Variants in OSBPL10 observed in about 807,000 individuals in gnomAD.
OSBPL10 encodes the protein oxysterol-binding protein-related protein 10.
A neutral mutation model predicts 81.7 loss-of-function variants in OSBPL10; 49 were observed. The observed-to-expected ratio is 0.60, with a 90% CI of 0.48 to 0.76. The LOEUF (loss-of-function observed/expected upper bound fraction) is 0.76. Ranked by LOEUF, OSBPL10 falls within the 30% of genes least tolerant of loss-of-function variation. The pLI is 0.00. For missense variants in OSBPL10, 923 were observed against 987.8 expected (o/e 0.93, Z 0.88); for synonymous variants, 419 against 383.6 (o/e 1.09, Z -1.08).
At chr3:31,983,011 T>G (rs1368730296), upstream of OSBPL10, among the ~76,000 whole-genome samples, 1 of 152,236 alleles carries the variant, frequency 6.6e-6, no homozygotes, top group Admixed American at 6.5e-5. Flanking sequence ...GAGAGCAGCA[T>G]GTCCCGGATA....
At chr3:31,794,507 G>T in intron 4 of OSBPL10, 1 of 289,032 alleles carries the variant, frequency 3.5e-6, no homozygotes, top group Non-Finnish European at 7.0e-6. Context: ...GCTCAGCAGG[G>T]CACTGTGACC....
At chr3:31,820,071 C>T (rs1274017463) in intron 4 of OSBPL10, among the ~76,000 whole-genome samples, 2 of 152,136 alleles carry the variant, frequency 1.3e-5, no homozygotes, top group East Asian at 3.9e-4. Flanking sequence ...AGCTAGTACA[C>T]CTCTCTTTGC....
rs987790172 is a variant in OSBPL10, at chr3:31,897,686, G to C, written c.282-17856C>G. 5.9e-5 allele frequency among the ~76,000 whole-genome samples: 9 copies of C among 152,224 alleles called. No homozygotes were observed. In the East Asian group the frequency reaches 7.7e-4, roughly 13 times the overall value. ...AGAAACAAACATCAGGTTGACATTAGAGTTTTTAATATCAGCACTGGATGT... is the reference window on the plus strand; with the variant it reads ...AGAAACAAACATCAGGTTGACATTACAGTTTTTAATATCAGCACTGGATGT... On this transcript the variant is annotated intron_variant, in intron 1 of 11. Transcript: ENST00000396556.
chr3:31,875,021 C>A (rs1701415972), intron 3 of OSBPL10, among the ~76,000 whole-genome samples: 1 of 137,060 alleles, frequency 7.3e-6, no homozygotes, highest in South Asian at 2.3e-4. Flanking sequence ...TCTGGCCAAC[C>A]AAAAAGGAGT....
intron 7 of OSBPL10, among the ~76,000 whole-genome samples, chr3:31,687,634 G>A (rs1700825582): frequency 6.6e-6 from 1 of 152,132 alleles, no homozygotes. Context: ...GGAACCTCAG[G>A]CTCCCAGGTG....
intron 1 of OSBPL10, among the ~76,000 whole-genome samples, chr3:31,916,693 C>T (rs1214922967): frequency 6.6e-6 from 1 of 152,138 alleles, no homozygotes; most frequent in African/African-American, 2.4e-5. Flanking sequence ...TCAAAATCAC[C>T]TTTCCCTGAT....
At chr3:31,827,682 G>A (rs921997105) in intron 4 of OSBPL10, among the ~76,000 whole-genome samples, 6 of 151,678 alleles carry the variant, frequency 4.0e-5, no homozygotes, top group Non-Finnish European at 7.4e-5. Flanking sequence ...AGATTTTTAC[G>A]TATCTACATC....
intron 2 of OSBPL10, among the ~76,000 whole-genome samples, chr3:32,007,027 T>TA: frequency 6.6e-6 from 1 of 152,208 alleles, no homozygotes; most frequent in East Asian, 1.9e-4. Context: ...CTCATCCTCC[T>TA]AAAGTGCTGG....
chr3:31,752,874 A>G (rs1697761331), intron 4 of OSBPL10, among the ~76,000 whole-genome samples: 1 of 152,166 alleles, frequency 6.6e-6, no homozygotes, highest in African/African-American at 2.4e-5. Context: ...TACTCTCCAA[A>G]AGCTCAGCAT....
At chr3:31,668,468 G>T (rs944590409) in intron 10 of OSBPL10, among the ~76,000 whole-genome samples, 174 bp downstream of exon 10, 2 of 152,192 alleles carry the variant, frequency 1.3e-5, no homozygotes, top group South Asian at 2.1e-4. Flanking sequence ...AAGCTGAAAG[G>T]TTCTGCTCCT....
At chr3:31,990,758 A>C in intron 2 of OSBPL10, 1 of 1,613,964 alleles carries the variant, frequency 6.2e-7, no homozygotes, top group Non-Finnish European at 8.5e-7. Flanking sequence ...AAGAGAATTC[A>C]TACTGGAGAG....
At chr3:31,778,012 G>A (rs1046286115) in intron 4 of OSBPL10, among the ~76,000 whole-genome samples, 6 of 152,172 alleles carry the variant, frequency 3.9e-5, no homozygotes, top group African/African-American at 1.4e-4. Flanking sequence ...AAACTCTCTT[G>A]AGCAGAATCT....
At chr3:31,905,102 T>C (rs1372500675) in intron 1 of OSBPL10, among the ~76,000 whole-genome samples, 1 of 152,198 alleles carries the variant, frequency 6.6e-6, no homozygotes, top group Non-Finnish European at 1.5e-5. Flanking sequence ...ACAGGAAGTA[T>C]AATATGTCTG....
intron 2 of OSBPL10, chr3:31,990,297 C>G: frequency 6.2e-7 from 1 of 1,614,026 alleles, no homozygotes; most frequent in Admixed American, 1.7e-5. Context: ...GTCACAAAGT[C>G]TTCAGTAATG....
At chr3:31,965,419 T>C (rs1479941019) in intron 1 of OSBPL10, among the ~76,000 whole-genome samples, 2 of 111,726 alleles carry the variant, frequency 1.8e-5, no homozygotes, top group African/African-American at 3.6e-5. Flanking sequence ...ATATATTATA[T>C]ATAATAGATA....
chr3:31,895,880 A>G (rs548136481), intron 1 of OSBPL10, among the ~76,000 whole-genome samples: 32 of 152,328 alleles, frequency 2.1e-4, no homozygotes, highest in African/African-American at 7.7e-4. Context: ...AGAAATAGCA[A>G]GGATGGGAAA....
At chr3:31,754,000 G>C (rs1697803060) in intron 4 of OSBPL10, among the ~76,000 whole-genome samples, 1 of 152,134 alleles carries the variant, frequency 6.6e-6, no homozygotes, top group Non-Finnish European at 1.5e-5. Context: ...CCAAACATCT[G>C]AGTGTTGGGG....
chr3:31,792,860 CTGTGT>C (rs1399543779), intron 4 of OSBPL10, among the ~76,000 whole-genome samples: 12 of 126,648 alleles, frequency 9.5e-5, no homozygotes, highest in African/African-American at 3.0e-4. Flanking sequence ...TCTAGGCACT[CTGTGT>C]GTGTGTGTGT....
chr3:31,980,388 G>T (rs905025414), intron 1 of OSBPL10, among the ~76,000 whole-genome samples: 2 of 152,226 alleles, frequency 1.3e-5, no homozygotes, highest in Non-Finnish European at 2.9e-5. Flanking sequence ...AGTCGCCCAG[G>T]ATGACAAGTG....
Sources: allele counts gnomAD v4.1 joint callset (sites outside exome capture counted in the v4.1 genomes callset), GRCh38; gene constraint gnomAD v4.1.1; transcripts MANE v1.5; gene names NCBI Gene and HGNC (gene_info 2026-07-23, HGNC 2026-07-21).